Variants in TNRC6C observed in about 807,000 individuals in gnomAD.
TNRC6C encodes the protein trinucleotide repeat containing adaptor 6C, also known as trinucleotide repeat-containing gene 6C protein.
A neutral mutation model predicts 153.7 loss-of-function variants in TNRC6C; 20 were observed. The observed-to-expected ratio is 0.13, with a 90% confidence interval of 0.09 to 0.19. The LOEUF (loss-of-function observed/expected upper bound fraction) is 0.19, where lower values mean the gene tolerates loss of function less well. TNRC6C is among the 10% of genes least tolerant of loss of function. The pLI, the probability that TNRC6C is intolerant of heterozygous loss-of-function variation, is 1.00. For synonymous variants in TNRC6C, 811 were observed against 841.4 expected, an observed-to-expected ratio of 0.96 and a Z score of 0.63; for missense variants, 1,987 against 2,172.0, an observed-to-expected ratio of 0.91 and a Z score of 1.69.
chr17:78,071,154 A>G, exon 6 of TNRC6C: 3 of 1,604,008 alleles, frequency 1.9e-6, no homozygotes, highest in Non-Finnish European at 2.6e-6. Context: ...ACTCACAGAC[A>G]TGGGCTTCCC....
intron 2 of TNRC6C, among the ~76,000 whole-genome samples, chr17:78,034,476 A>G (rs1344999142): frequency 7.3e-6 from 1 of 136,210 alleles, no homozygotes. Context: ...CCCAACCCCC[A>G]CTTTACTTCC....
In TNRC6C at chr17:78,079,336, C is replaced by T; in HGVS notation, c.3211-59C>T. Reference sequence around the variant, plus strand: ...TGAAATAGATCATTTCACCCTACCTCCAAACAATGTTACTCTAATGCCTGC... The same window carrying T: ...TGAAATAGATCATTTCACCCTACCTTCAAACAATGTTACTCTAATGCCTGC... On this transcript the variant is annotated intron_variant, in intron 9 of 19. Coordinates refer to ENST00000301624, the Ensembl canonical transcript of TNRC6C. The surrounding 1 kb of genome is among the most constrained non-coding windows in gnomAD (Gnocchi z 4.3). 6.3e-7 allele frequency: 1 copy of T among 1,591,274 alleles called. No individual in the cohort carries two copies. Among genetic ancestry groups the T allele is most frequent in the South Asian group, 1.1e-5 (1 of 89,974 alleles).
At chr17:78,082,519 C>G (rs183442449) in intron 10 of TNRC6C, among the ~76,000 whole-genome samples, 3 of 152,232 alleles carry the variant, frequency 2.0e-5, no homozygotes, top group African/African-American at 7.2e-5. Flanking sequence ...TGCAAACAAT[C>G]AATAGAAACA....
chr17:78,010,261 G>A (rs1006845956), intron 1 of TNRC6C, among the ~76,000 whole-genome samples: 17 of 152,232 alleles, frequency 1.1e-4, no homozygotes, highest in African/African-American at 3.4e-4. Context: ...TTTACCATGC[G>A]TTCAGTTTGT....
intron 1 of TNRC6C, among the ~76,000 whole-genome samples, chr17:77,967,327 T>C (rs570750338): frequency 6.6e-6 from 1 of 152,216 alleles, no homozygotes; most frequent in East Asian, 1.9e-4. Context: ...AATCCCTACA[T>C]CGTCTATAGT....
chr17:78,080,245 G>A lies in TNRC6C; in HGVS notation c.3357+704G>A, dbSNP rs559724585. 5.3e-5 allele frequency among the ~76,000 whole-genome samples: 8 copies of A among 152,258 alleles called. No individual in the cohort carries two copies. The East Asian group carries it at 9.7e-4, about 18-fold the overall frequency. On this transcript the variant is annotated intron_variant, in intron 10 of 19. Coordinates refer to ENST00000301624, the Ensembl canonical transcript of TNRC6C. ...GTGGATCACCTGAGGTCAGGAGTTC[G>A]AGACCAGCCTGGCCAATATGGCGAA...
At position 78,093,067 on chromosome 17, in the gene TNRC6C, C is replaced by T. The variant is rs1350465695; in HGVS notation, c.4105C>T (p.Arg1369Cys). 3.7e-6 allele frequency: 6 copies of T among 1,613,546 alleles called. No homozygotes were observed. The Admixed American group carries it at 6.7e-5, about 18-fold the overall frequency. ...CGTAGCTGTTCCCCATAGCTGGTCA[C>T]GTGCCAAATCTGACAGTGATAAAAT... The change falls in exon 15 of 20, where the codon CGT becomes TGT. Residue 1369 changes from arginine to cysteine, a missense_variant. By Grantham distance (180) the Arg-to-Cys change is radical. Around this residue, in one of 4 missense-constraint regions of TNRC6C, gnomAD observed 765 missense variants for 908.6 expected, o/e 0.84. Coordinates refer to ENST00000301624, the Ensembl canonical transcript of TNRC6C.
At chr17:78,088,310 T>C (rs2073332949) in intron 13 of TNRC6C, among the ~76,000 whole-genome samples, 1 of 152,204 alleles carries the variant, frequency 6.6e-6, no homozygotes, top group Non-Finnish European at 1.5e-5. Context: ...TTAGACTCCC[T>C]AGGTTTGAGT....
exon 4 of TNRC6C, chr17:78,064,789 C>T (rs771964890): frequency 9.3e-6 from 15 of 1,613,804 alleles, no homozygotes; most frequent in Admixed American, 3.3e-5. Flanking sequence ...GAGAACCATC[C>T]TCCCCTTCTA....
chr17:77,997,603 A>C (rs891492265), intron 1 of TNRC6C, among the ~76,000 whole-genome samples: 6 of 152,056 alleles, frequency 3.9e-5, no homozygotes, highest in African/African-American at 1.4e-4. Flanking sequence ...GGCATGAGGG[A>C]AGGATTCAAC....
chr17:78,004,189 CAAG>C (rs1479813235), upstream of TNRC6C: 1 of 1,230,874 alleles, frequency 8.1e-7, no homozygotes, highest in African/African-American at 1.6e-5. Flanking sequence ...GCAAGAAACA[CAAG>C]AAGAGGAACG....
chr17:78,023,221 A>G (rs1389584940), intron 1 of TNRC6C, among the ~76,000 whole-genome samples: 1 of 152,230 alleles, frequency 6.6e-6, no homozygotes, highest in African/African-American at 2.4e-5. Flanking sequence ...GGACTTGAGC[A>G]TCTGTGGATT....
exon 4 of TNRC6C, chr17:78,064,875 A>T (rs1441846978): frequency 1.2e-6 from 2 of 1,612,246 alleles, no homozygotes; most frequent in Non-Finnish European, 1.7e-6. Flanking sequence ...CACCCTGCAG[A>T]GCCGCCGGTG....
intron 2 of TNRC6C, among the ~76,000 whole-genome samples, chr17:78,041,275 T>C (rs1659935147): frequency 6.6e-6 from 1 of 152,126 alleles, no homozygotes; most frequent in South Asian, 2.1e-4. Context: ...TCAGATTGGA[T>C]AAAATGGCGT....
chr17:78,065,950 G>A (rs1421933389), intron 4 of TNRC6C, among the ~76,000 whole-genome samples: 2 of 152,102 alleles, frequency 1.3e-5, no homozygotes, highest in Non-Finnish European at 2.9e-5. Context: ...ATTAATTGTG[G>A]CTGGGCATGG....
intron 6 of TNRC6C, among the ~76,000 whole-genome samples, chr17:78,071,526 T>C (rs2072996433): frequency 1.3e-5 from 2 of 152,080 alleles, no homozygotes; most frequent in African/African-American, 4.8e-5. Context: ...GAGCTGGGAC[T>C]ACAGGCGTGA....
intron 3 of TNRC6C, among the ~76,000 whole-genome samples, chr17:78,059,710 A>G (rs1434981697): frequency 6.6e-6 from 1 of 151,930 alleles, no homozygotes; most frequent in African/African-American, 2.4e-5. Context: ...TTAGCTGGGC[A>G]TAGTGGCACA....
chr17:77,965,354 A>T (rs1350782294), intron 1 of TNRC6C, among the ~76,000 whole-genome samples: 2 of 152,190 alleles, frequency 1.3e-5, no homozygotes, highest in Non-Finnish European at 2.9e-5. Context: ...CTTTGTGTGT[A>T]TGATCTCATT....
At position 78,006,546 on chromosome 17, in the gene TNRC6C, CTTCTTCTT is replaced by C. The variant is rs1421302697; in HGVS notation, c.-546+1468_-546+1475del. 3.2e-3 allele frequency among the ~76,000 whole-genome samples: 364 copies of C among 114,550 alleles called. 3 individuals are homozygous for C. Among genetic ancestry groups the C allele is most frequent in the African/African-American group, 0.011 (284 of 26,796 alleles). 75.1% of individuals were successfully genotyped at this position (114,550 alleles called of 152,430 possible). On this transcript the variant is annotated intron_variant, in intron 1 of 19. Coordinates refer to ENST00000301624, the Ensembl canonical transcript of TNRC6C. ...TCTTCTTCTTCTTCTTCTTCTTCTTCTTCTTCTTCTTCTTCCTTCTTCCTTCTTCCTTC... is the reference window on the plus strand; with the variant it reads ...TCTTCTTCTTCTTCTTCTTCTTCTTCCTTCTTCCTTCTTCCTTCTTCCTTC...
Sources: allele counts gnomAD v4.1 joint callset (sites outside exome capture counted in the v4.1 genomes callset), GRCh38; gene constraint gnomAD v4.1.1; regional missense constraint gnomAD v4.1.1; non-coding constraint Gnocchi (gnomAD v3.1); transcripts MANE v1.5; gene names NCBI Gene and HGNC (gene_info 2026-07-23, HGNC 2026-07-21).